The following HECTD4 variants were observed in gnomAD, a reference collection of about 807,000 sequenced individuals.
The protein encoded by HECTD4 is HECT domain E3 ubiquitin protein ligase 4, also known as probable E3 ubiquitin-protein ligase HECTD4.
In HECTD4, 114 loss-of-function variants were observed where a neutral mutation model predicts 471.5. That is an observed-to-expected ratio of 0.24 (90% CI 0.21 to 0.28). The LOEUF (loss-of-function observed/expected upper bound fraction) is 0.28. HECTD4 is among the 10% of genes least tolerant of loss of function. The probability of loss-of-function intolerance (pLI) is 1.00; values close to 1 mark genes in which losing one functional copy is unlikely to be tolerated. For missense variants in HECTD4, 3,866 were observed against 5,651.5 expected, an observed-to-expected ratio of 0.68 and a Z score of 10.13; for synonymous variants, 2,012 against 2,256.0, an observed-to-expected ratio of 0.89 and a Z score of 3.07.
Position 112,185,312 on chromosome 12 carries a change from C to T in HECTD4, c.9654G>A (p.Glu3218=). ...CLAMLMALQS[E]LHKLYDEETQ... ...TCTCCTCGTCGTACAGCTTGTGGAG[C>T]TCCGACTGCAAGGCCATCAGCATGG... The change falls in exon 61 of 76, where the codon GAG becomes GAA. Residue 3218 remains glutamate, a synonymous_variant. Coordinates refer to ENST00000682272, the MANE Select transcript of HECTD4 (RefSeq NM_001388303.1). The T allele has an allele frequency of 6.4e-7, 1 of 1,570,740 alleles. No individual in the cohort carries two copies. The highest frequency in any genetic ancestry group is 8.6e-7 in the Non-Finnish European group (1 of 1,157,912).
At chr12:112,314,217 A>ACCAGCTATTGC (rs1017106384) in intron 3 of HECTD4, among the ~76,000 whole-genome samples, 30 of 152,230 alleles carry the variant, frequency 2.0e-4, no homozygotes, top group African/African-American at 6.5e-4. Flanking sequence ...ATTATGCCCC[A>ACCAGCTATTGC]CCAGCTATTG....
At chr12:112,168,905 T>C (rs1593888501) in intron 70 of HECTD4, among the ~76,000 whole-genome samples, 1 of 151,972 alleles carries the variant, frequency 6.6e-6, no homozygotes, top group East Asian at 1.9e-4. Context: ...GATGCCAGGG[T>C]CCCCCGTCTG....
At chr12:112,240,059 T>C (rs538703721) in intron 32 of HECTD4, 32 bp from the exon 33 acceptor site, 2 of 1,611,006 alleles carry the variant, frequency 1.2e-6, no homozygotes. Flanking sequence ...TCAGGCTTCC[T>C]GAACCATGTC....
intron 6 of HECTD4, among the ~76,000 whole-genome samples, chr12:112,307,604 TA>T (rs1168367086): frequency 6.6e-6 from 1 of 152,244 alleles, no homozygotes; most frequent in Non-Finnish European, 1.5e-5. Context: ...ATCTATTTGT[TA>T]ATTTGTTCAT....
intron 6 of HECTD4, 136 bp from the exon 7 acceptor site, chr12:112,306,370 T>C: frequency 1.5e-6 from 1 of 687,780 alleles, no homozygotes; most frequent in East Asian, 3.3e-5. Context: ...TGGATATTTA[T>C]CTCTAATAAT....
chr12:112,162,828 G>T lies in HECTD4; in HGVS notation c.13120+214C>A. 1.8e-6 allele frequency: 1 copy of T among 555,510 alleles called. No individual in the cohort carries two copies. Among genetic ancestry groups the T allele is most frequent in the Non-Finnish European group, 3.2e-6 (1 of 316,498 alleles). 34.4% of individuals were successfully genotyped at this position (555,510 alleles called of 1,614,324 possible). A position where few individuals can be genotyped will look rare whatever the true frequency, so the allele number is the denominator to read the frequency against. ...AAAGTTAGAAGATTTGAAGCATTCT[G>T]GATTTTCAGCTTCTTTTAAGATATG... On this transcript the variant is annotated intron_variant, in intron 75 of 75. Transcript: ENST00000682272. This position sits in a 1 kb window ranked among gnomAD's most constrained non-coding sequence, Gnocchi z 5.2.
At chr12:112,289,508 G>C (rs2034829700) in intron 7 of HECTD4, among the ~76,000 whole-genome samples, 1 of 152,052 alleles carries the variant, frequency 6.6e-6, no homozygotes, top group African/African-American at 2.4e-5. Flanking sequence ...ATCAAGCTGA[G>C]CTGACTGTTT....
At chr12:112,220,698 G>A (rs1230125159) in intron 44 of HECTD4, among the ~76,000 whole-genome samples, 2 of 152,150 alleles carry the variant, frequency 1.3e-5, no homozygotes, top group African/African-American at 2.4e-5. Flanking sequence ...TCGGGAGGGT[G>A]AGGCATGATA....
chr12:112,216,949 A>G (rs750306351), intron 46 of HECTD4, 28 bp from the exon 47 acceptor site: 32 of 1,609,054 alleles, frequency 2.0e-5, no homozygotes, highest in Non-Finnish European at 2.2e-5. Flanking sequence ...GAGAGCAGCA[A>G]TCAGAGGGCT....
intron 4 of HECTD4, among the ~76,000 whole-genome samples, chr12:112,311,051 CAGG>C (rs2035359527): frequency 6.6e-6 from 1 of 152,092 alleles, no homozygotes; most frequent in African/African-American, 2.4e-5. Flanking sequence ...CACCTGAGGT[CAGG>C]AGTTCAAGAC....
At chr12:112,200,052 G>T in intron 55 of HECTD4, among the ~76,000 whole-genome samples, 1 of 152,166 alleles carries the variant, frequency 6.6e-6, no homozygotes, top group South Asian at 2.1e-4. Flanking sequence ...CAGCGTTTGG[G>T]TGGTCTTAAG....
At chr12:112,367,397 T>C (rs2036585127) in intron 1 of HECTD4, among the ~76,000 whole-genome samples, 1 of 151,996 alleles carries the variant, frequency 6.6e-6, no homozygotes, top group South Asian at 2.1e-4. Flanking sequence ...AAAATAAAGA[T>C]ACATATTTTC....
At chr12:112,340,529 G>A (rs1344015867) in intron 1 of HECTD4, among the ~76,000 whole-genome samples, 1 of 152,178 alleles carries the variant, frequency 6.6e-6, no homozygotes, top group Admixed American at 6.5e-5. Flanking sequence ...CGCAAGTATA[G>A]ACGAGCTACT....
intron 20 of HECTD4, 54 bp downstream of exon 20, chr12:112,258,442 T>C (rs1326303397): frequency 7.6e-7 from 1 of 1,310,160 alleles, no homozygotes; most frequent in Non-Finnish European, 1.0e-6. Flanking sequence ...AGTACTACGC[T>C]TTCACCCAAA....
chr12:112,286,684 C>A (rs1001302955), intron 7 of HECTD4, among the ~76,000 whole-genome samples: 1 of 152,062 alleles, frequency 6.6e-6, no homozygotes, highest in Non-Finnish European at 1.5e-5. Flanking sequence ...AGAGGGAGAT[C>A]CTGTCCCACC....
At chr12:112,327,620 TAGAACATC>T in intron 1 of HECTD4, among the ~76,000 whole-genome samples, 1 of 152,150 alleles carries the variant, frequency 6.6e-6, no homozygotes, top group Non-Finnish European at 1.5e-5. Context: ...AAGAAATGCT[TAGAACATC>T]TGAGTTTCCA....
chr12:112,377,230 T>A (rs2036797444), intron 1 of HECTD4, among the ~76,000 whole-genome samples: 1 of 151,860 alleles, frequency 6.6e-6, no homozygotes, highest in African/African-American at 2.4e-5. Flanking sequence ...CCAAGAGGAA[T>A]TCAAGACCAG....
chr12:112,324,017 C>T (rs867369329), intron 1 of HECTD4, among the ~76,000 whole-genome samples: 15 of 35,550 alleles, frequency 4.2e-4, no homozygotes, highest in African/African-American at 1.7e-3. Flanking sequence ...TTCCTTCCTT[C>T]CTTCCTTCCT....
rs570065933 is a variant in HECTD4 at position 112,262,866 on chromosome 12, C to T, written c.2748+1218G>A. ...TCTTGGCCTCAAGTGATCCACCTGC[C>T]TCAGCCTCCCAAAGTGCTGGGATTA... On this transcript the variant is annotated intron_variant, in intron 17 of 75. Coordinates refer to ENST00000682272, the MANE Select transcript of HECTD4 (RefSeq NM_001388303.1). Among the ~76,000 whole-genome samples, 31 of 152,266 alleles carry T rather than the reference C, an allele frequency of 2.0e-4. No individual in the cohort carries two copies. In the South Asian group the frequency reaches 5.2e-3, roughly 25 times the overall value.
Sources: allele counts gnomAD v4.1 joint callset (sites outside exome capture counted in the v4.1 genomes callset), GRCh38; gene constraint gnomAD v4.1.1; non-coding constraint Gnocchi (gnomAD v3.1); transcripts MANE v1.5; gene names NCBI Gene and HGNC (gene_info 2026-07-23, HGNC 2026-07-21).